CSF1R: variants seen among roughly 807,000 people sequenced by gnomAD.
CSF1R encodes the protein colony stimulating factor 1 receptor.
In CSF1R, 40 loss-of-function variants were observed where a neutral mutation model predicts 110.0. The observed-to-expected ratio is 0.36, with a 90% CI of 0.28 to 0.47. CSF1R has a LOEUF of 0.47. CSF1R is among the 20% of genes least tolerant of loss of function. The pLI is 0.99. For synonymous variants in CSF1R, 523 were observed against 503.4 expected, an observed-to-expected ratio of 1.04 and a Z score of -0.52; for missense variants, 1,052 against 1,253.0, an observed-to-expected ratio of 0.84 and a Z score of 2.42.
chr5:150,091,981 T>C (rs1759058875), intron 1 of CSF1R, among the ~76,000 whole-genome samples: 1 of 151,006 alleles, frequency 6.6e-6, no homozygotes, highest in Non-Finnish European at 1.5e-5. Flanking sequence ...AAGGTAAGCA[T>C]AAAAAATATG....
At chr5:150,077,968 T>A in intron 4 of CSF1R, 144 bp downstream of exon 4, 1 of 980,462 alleles carries the variant, frequency 1.0e-6, no homozygotes, top group Non-Finnish European at 1.5e-6. Flanking sequence ...AGATCTCGGG[T>A]GAGTCTGCAC....
intron 18 of CSF1R, among the ~76,000 whole-genome samples, chr5:150,055,685 G>A (rs1327997080): frequency 6.6e-6 from 1 of 152,196 alleles, no homozygotes; most frequent in Non-Finnish European, 1.5e-5. Context: ...CTAGTCCTCG[G>A]GAAATAGCAG....
chr5:150,054,520 G>A lies in CSF1R; in HGVS notation c.2655-90C>T, dbSNP rs374381577. 14 of 1,081,176 alleles carry A rather than the reference G, an allele frequency of 1.3e-5. No homozygotes were observed. The African/African-American group carries it at 1.9e-4, about 15-fold the overall frequency. 67.0% of individuals were successfully genotyped at this position (1,081,176 alleles called of 1,614,324 possible). On this transcript the variant is annotated intron_variant, in intron 19 of 20. Coordinates refer to ENST00000675795, the MANE Select transcript of CSF1R (RefSeq NM_001288705.3). ...CCCCTAGAGAGACCTACCCAGCAGAGGTCCCCAAACCCAGTCAAAGTAAGT... is the reference window on the plus strand; with the variant it reads ...CCCCTAGAGAGACCTACCCAGCAGAAGTCCCCAAACCCAGTCAAAGTAAGT...
intron 6 of CSF1R, among the ~76,000 whole-genome samples, chr5:150,072,048 G>A (rs1758054887): frequency 6.6e-6 from 1 of 152,178 alleles, no homozygotes; most frequent in Admixed American, 6.5e-5. Flanking sequence ...TGGAAATACT[G>A]CCTGGGACCT....
intron 1 of CSF1R, among the ~76,000 whole-genome samples, chr5:150,105,200 C>T (rs73277707): frequency 0.66 from 98,241 of 148,416 alleles, 33,172 homozygotes; most frequent in African/African-American, 0.79. Context: ...TACAAAACAT[C>T]AGCCAGGCGT....
chr5:150,086,630 T>C, upstream of CSF1R: 1 of 530,232 alleles, frequency 1.9e-6, no homozygotes, highest in Middle Eastern at 4.9e-4. Flanking sequence ...ACCACAGAGT[T>C]TGGAAATCTT....
Position 150,053,306 on chromosome 5 carries a change from T to TGTTA in CSF1R, c.*759_*762dup, listed in dbSNP as rs1224007860. 3 of 232,828 alleles carry TGTTA rather than the reference T, an allele frequency of 1.3e-5. No homozygotes were observed. The highest frequency in any genetic ancestry group is 2.6e-5 in the Non-Finnish European group (3 of 117,610). The allele number at this position is 232,828 out of a possible 1,614,324, so 14.4% of individuals were successfully genotyped here. The stretch of plus-strand genomic sequence containing the variant: ...AACCAGAGGCTGACTGCATTAATGC[T>TGTTA]GTTAGTTTAATGTGGACAGAGACAT... On this transcript the variant is annotated 3_prime_UTR_variant, in exon 21 of 21. Coordinates refer to ENST00000675795, the MANE Select transcript of CSF1R (RefSeq NM_001288705.3).
chr5:150,087,686 A>G (rs1412198794), upstream of CSF1R, among the ~76,000 whole-genome samples: 1 of 151,832 alleles, frequency 6.6e-6, no homozygotes, highest in Non-Finnish European at 1.5e-5. Context: ...TGATTCGCTT[A>G]GTATTTTACT....
chr5:150,096,138 C>T (rs1759215486), intron 1 of CSF1R, among the ~76,000 whole-genome samples: 1 of 152,124 alleles, frequency 6.6e-6, no homozygotes, highest in Non-Finnish European at 1.5e-5. Context: ...GCCTGTAATC[C>T]CAGCACTTTG....
chr5:150,088,856 CATA>C (rs748652147), upstream of CSF1R, among the ~76,000 whole-genome samples: 2 of 152,128 alleles, frequency 1.3e-5, no homozygotes, highest in Non-Finnish European at 2.9e-5. Flanking sequence ...AATCTAACAG[CATA>C]TTAAAATGAT....
intron 14 of CSF1R, among the ~76,000 whole-genome samples, 175 bp downstream of exon 14, chr5:150,059,525 G>A (rs984872490): frequency 4.6e-5 from 7 of 152,218 alleles, no homozygotes; most frequent in African/African-American, 1.7e-4. Context: ...AAAAGGAGTA[G>A]AGAAACAAGA....
Position 150,073,487 on chromosome 5 carries a change from G to A in CSF1R, c.896C>T (p.Ala299Val), listed in dbSNP as rs781314536. ...CTGCTCAGAGCTCAAGTTCAAGTAG[G>A]CACTCTCTGGAAAGCAGAACACACA... ...TSMFFRVVES[A>V]YLNLSSEQNL... The change falls in exon 6 of 21, where the codon GCC becomes GTC. Residue 299 changes from alanine (A) to valine (V), a missense_variant. Ala to Val is a moderately conservative substitution (Grantham distance 64). Coordinates refer to ENST00000675795, the MANE Select transcript of CSF1R (RefSeq NM_001288705.3). 1.2e-6 allele frequency: 2 copies of A among 1,612,778 alleles called. No individual in the cohort carries two copies. Among genetic ancestry groups the A allele is most frequent in the Admixed American group, 1.7e-5 (1 of 59,904 alleles).
rs753281770 is a variant in CSF1R at position 150,057,543 on chromosome 5, G to A, written c.2182C>T (p.Pro728Ser). Residue 728 changes from proline to serine, a missense_variant, in exon 15 of 21, where the codon CCT becomes TCT. Transcript: ENST00000675795. ...QGVDTYVEMR[P>S]VSTSSNDSFS... ...GAGTCATTTGAAGAAGTGGAGACAG[G>A]CCTCATCTCCACATAGGTGTCCACA... is the stretch of plus-strand genomic sequence containing the variant. 1 of 1,614,216 alleles carries A rather than the reference G, an allele frequency of 6.2e-7. No homozygotes were observed. Among genetic ancestry groups the A allele is most frequent in the Admixed American group, 1.7e-5 (1 of 60,030 alleles).
intron 6 of CSF1R, among the ~76,000 whole-genome samples, chr5:150,072,408 C>G (rs910192290): frequency 3.9e-5 from 6 of 152,118 alleles, no homozygotes; most frequent in African/African-American, 1.4e-4. Flanking sequence ...GCAGGAGAAT[C>G]ACTTGAACCC....
rs773109201 is a variant in CSF1R, at chr5:150,070,062, A to T, written c.1321T>A (p.Cys441Ser). Reference protein sequence around the residue: ...WLQCSGHTDRCDEAQVLQVWD... With the variant: ...WLQCSGHTDRSDEAQVLQVWD... ...ACCTGCAGCACTTGGGCCTCATCAC[A>T]CCTGGCAAAAGCAGAATGTGGCTCA... The change falls in exon 9 of 21, where the codon TGT (cysteine) becomes AGT (serine). Residue 441 changes from cysteine to serine, a missense_variant and splice_region_variant. Physicochemically the swap from Cys to Ser is moderately radical, Grantham distance 112. Transcript: ENST00000675795. 1 of 1,613,414 alleles carries T rather than the reference A, an allele frequency of 6.2e-7. No individual in the cohort carries two copies. Among genetic ancestry groups the T allele is most frequent in the South Asian group, 1.1e-5 (1 of 91,044 alleles).
At chr5:150,091,844 C>T (rs2113852658) in intron 1 of CSF1R, among the ~76,000 whole-genome samples, 1 of 104,636 alleles carries the variant, frequency 9.6e-6, no homozygotes, top group South Asian at 3.1e-4. Context: ...CCAGCAGACC[C>T]ATACTACCAA....
chr5:150,107,660 G>C (rs1215176764), intron 1 of CSF1R, among the ~76,000 whole-genome samples: 9 of 152,238 alleles, frequency 5.9e-5, no homozygotes, highest in Non-Finnish European at 8.8e-5. Flanking sequence ...TTTCATCAAT[G>C]GCAGGGGCTC....
At chr5:150,060,624 C>G (rs947375545) in intron 13 of CSF1R, among the ~76,000 whole-genome samples, 1 of 152,184 alleles carries the variant, frequency 6.6e-6, no homozygotes, top group Non-Finnish European at 1.5e-5. Flanking sequence ...CATTCATCTC[C>G]TCCTCCAAGG....
chr5:150,094,198 A>G, intron 1 of CSF1R: 1 of 668,410 alleles, frequency 1.5e-6, no homozygotes, highest in Non-Finnish European at 2.5e-6. Flanking sequence ...ATAATGAGGG[A>G]CATTACATAG....
Sources: gnomAD v4.1 joint callset for allele counts (sites outside exome capture counted in the v4.1 genomes callset) on GRCh38, gnomAD v4.1.1 for gene constraint, MANE v1.5 for transcripts, NCBI Gene and HGNC (gene_info 2026-07-23, HGNC 2026-07-21) for gene names.